The following PSD4 variants were observed in gnomAD, a reference collection of about 807,000 sequenced individuals.
PSD4 encodes the protein pleckstrin and Sec7 domain containing 4.
In PSD4, 59 loss-of-function variants were observed where a neutral mutation model predicts 112.5. That is an observed-to-expected ratio of 0.52 (90% CI 0.43 to 0.65). The LOEUF is 0.65. Ranked by LOEUF, PSD4 falls within the 30% of genes least tolerant of loss-of-function variation. The pLI is 0.00. For missense variants in PSD4, 1,267 were observed against 1,352.6 expected (o/e 0.94, Z 0.99); for synonymous variants, 533 against 540.0 (o/e 0.99, Z 0.18).
At chr2:113,195,534 CGG>C (rs1688582069) in intron 10 of PSD4, among the ~76,000 whole-genome samples, 191 bp from the exon 11 acceptor site, 22 of 150,630 alleles carry the variant, frequency 1.5e-4, no homozygotes, top group South Asian at 4.2e-4. Context: ...CTTTGTTGCA[CGG>C]ATGGATGGAT....
Position 113,183,373 on chromosome 2 carries a change from T to G in PSD4, c.917T>G (p.Leu306Trp). 6.3e-7 allele frequency: 1 copy of G among 1,582,160 alleles called. No individual in the cohort carries two copies. Among genetic ancestry groups the G allele is most frequent in the South Asian group, 1.2e-5 (1 of 86,030 alleles). The change falls in exon 2 of 17, where the codon TTG becomes TGG. Residue 306 changes from leucine (L) to tryptophan (W), a missense_variant. Around this residue, in one of 2 missense-constraint regions of PSD4, gnomAD observed 723 missense variants for 704.0 expected, o/e 1.03. Transcript: ENST00000245796. ...TGGGAGCTGGAAAGTGAGCCAGATT[T>G]GGGGGACGGCGCTGCTATCAGTGGG... is the stretch of plus-strand genomic sequence containing the variant. ...VLWELESEPDLGDGAAISGHC... is the reference protein window; with the variant it reads ...VLWELESEPDWGDGAAISGHC...
chr2:113,192,949 C>A (rs982505789), intron 6 of PSD4, 99 bp from the exon 7 acceptor site: 28 of 1,204,016 alleles, frequency 2.3e-5, no homozygotes, highest in Non-Finnish European at 3.6e-6. Context: ...CCTTGCTCAC[C>A]CCCACCGCAT....
rs1688256915 is a variant in PSD4 at position 113,185,065 on chromosome 2, C to G, written c.1165C>G (p.Gln389Glu). 6.2e-7 allele frequency: 1 copy of G among 1,614,176 alleles called. No individual in the cohort carries two copies. The highest frequency in any genetic ancestry group is 8.5e-7 in the Non-Finnish European group (1 of 1,180,000). ...TCTTGGCCCTGCTGCACATCCTGTG[C>G]AACCTTGGGCAAGTCACTTCCCCTT... ...SDLGPAAHPV[Q>E]PWASLSPEGW... The change falls in exon 3 of 17, where the codon CAA becomes GAA. Residue 389 changes from glutamine (Q) to glutamate (E), a missense_variant. Gln to Glu is a conservative substitution (Grantham distance 29). Transcript: ENST00000245796.
Position 113,185,449 on chromosome 2 carries a change from T to C in PSD4, c.1249+9T>C, listed in dbSNP as rs776861404. On this transcript the variant is annotated intron_variant, in intron 4 of 16. Transcript: ENST00000245796. ...TAACTCCCAGGACAGAGGTGAGCCCTAATAAGGGGGTTTGGGAAATTGGGT... is the reference window on the plus strand; with the variant it reads ...TAACTCCCAGGACAGAGGTGAGCCCCAATAAGGGGGTTTGGGAAATTGGGT... The C allele has an allele frequency of 8.1e-6, 13 of 1,613,992 alleles. No individual in the cohort carries two copies. In the South Asian group the frequency reaches 1.4e-4, roughly 18 times the overall value.
In PSD4 at chr2:113,192,911, C is replaced by A. The variant is rs374546585; in HGVS notation, c.1839-137C>A. On this transcript the variant is annotated intron_variant, in intron 6 of 16. Transcript: ENST00000245796. ...TGGCTGCCCCCTTGCTCTGTCAGGA[C>A]CCAAGGCCCAGCGTGCCTGCACCCT... is the stretch of plus-strand genomic sequence containing the variant. 1.2e-5 allele frequency: 10 copies of A among 833,872 alleles called. No homozygotes were observed. In the East Asian group the frequency reaches 1.6e-4, roughly 13 times the overall value. 51.7% of individuals were successfully genotyped at this position (833,872 alleles called of 1,614,324 possible).
Position 113,196,799 on chromosome 2 carries a change from G to A in PSD4, c.2386+492G>A, listed in dbSNP as rs190270176. On this transcript the variant is annotated intron_variant, in intron 12 of 16. Transcript: ENST00000245796. ...TCCCCCACAGAGAAAACAGCAAGCC[G>A]AGTTTGCTCAGAACATGGGGTGTGT... Among the ~76,000 whole-genome samples, 3 of 152,306 alleles carry A rather than the reference G, an allele frequency of 2.0e-5. No individual in the cohort carries two copies. In the East Asian group the frequency reaches 5.8e-4, roughly 29 times the overall value.
At position 113,185,338 on chromosome 2, in the gene PSD4, T is replaced by A. The variant is rs762251966; in HGVS notation, c.1174-27T>A. The A allele has an allele frequency of 6.2e-6, 10 of 1,613,690 alleles. No homozygotes were observed. In the South Asian group the frequency reaches 8.8e-5, roughly 14 times the overall value. Reference sequence around the variant, plus strand: ...CACCTCTCTGTGTATCCAGGGCTCATGGGAATGCCTTTGCCTCTCTCAACA... The same window carrying A: ...CACCTCTCTGTGTATCCAGGGCTCAAGGGAATGCCTTTGCCTCTCTCAACA... On this transcript the variant is annotated intron_variant, in intron 3 of 16. Coordinates refer to ENST00000245796, the MANE Select transcript of PSD4 (RefSeq NM_012455.3).
At chr2:113,178,650 G>A (rs1055922625) in intron 1 of PSD4, among the ~76,000 whole-genome samples, 10 of 152,012 alleles carry the variant, frequency 6.6e-5, no homozygotes, top group Admixed American at 3.9e-4. Context: ...GCCCAGCCCC[G>A]CATTCCCACT....
At chr2:113,195,907 G>C in intron 11 of PSD4, 137 bp downstream of exon 11, 1 of 1,277,600 alleles carries the variant, frequency 7.8e-7, no homozygotes, top group Non-Finnish European at 1.1e-6. Flanking sequence ...CAGAGGCAGG[G>C]CTCTGGGGAG....
At position 113,205,131 on chromosome 2, in the gene PSD4, C is replaced by G. The variant is rs946248599; in HGVS notation, c.*3716C>G. 4 of 152,026 alleles carry G rather than the reference C, an allele frequency of 2.6e-5. No homozygotes were observed. The highest frequency in any genetic ancestry group is 4.4e-5 in the Non-Finnish European group (3 of 68,026). 9.4% of individuals were successfully genotyped at this position (152,026 alleles called of 1,614,324 possible). A position where few individuals can be genotyped will look rare whatever the true frequency, so the allele number is the denominator to read the frequency against. ...TACAGGCATGCACCACCATGCCCAG[C>G]TAATTTTGTATTTTTTAGTAGAGAC... On this transcript the variant is annotated 3_prime_UTR_variant, in exon 17 of 17. Transcript: ENST00000245796.
In PSD4 at chr2:113,201,141, G is replaced by C; in HGVS notation, c.2914-17G>C. ...GAGCCAGGATGGTGCTAAGGTGGTGGGGCCTGTGTGTTGCAGAAAACCCGC... is the reference window on the plus strand; with the variant it reads ...GAGCCAGGATGGTGCTAAGGTGGTGCGGCCTGTGTGTTGCAGAAAACCCGC... On this transcript the variant is annotated splice_polypyrimidine_tract_variant and intron_variant, in intron 16 of 16. Coordinates refer to ENST00000245796, the MANE Select transcript of PSD4 (RefSeq NM_012455.3). The C allele has an allele frequency of 6.3e-7, 1 of 1,596,508 alleles. No homozygotes were observed. Among genetic ancestry groups the C allele is most frequent in the Non-Finnish European group, 8.5e-7 (1 of 1,169,644 alleles).
intron 5 of PSD4, among the ~76,000 whole-genome samples, chr2:113,191,076 C>T (rs1243292942): frequency 6.6e-6 from 1 of 152,202 alleles, no homozygotes; most frequent in Non-Finnish European, 1.5e-5. Context: ...CTCTGAACCT[C>T]TCCACGGGGC....
chr2:113,180,976 G>A (rs1688117879), intron 1 of PSD4, among the ~76,000 whole-genome samples: 1 of 151,970 alleles, frequency 6.6e-6, no homozygotes, highest in African/African-American at 2.4e-5. Flanking sequence ...CCACCACTTT[G>A]GGAGGCCAAG....
chr2:113,183,418 C>G lies in PSD4; in HGVS notation c.962C>G (p.Pro321Arg). The part of the protein sequence containing the change: ...AISGHCTPPF[P>R]VPIYKPHSIC... ...AGTGGGCATTGTACCCCTCCATTCCCTGTGCCCATCTATAAACCACACTCC... is the reference window on the plus strand; with the variant it reads ...AGTGGGCATTGTACCCCTCCATTCCGTGTGCCCATCTATAAACCACACTCC... The change falls in exon 2 of 17, where the codon CCT (proline) becomes CGT (arginine). Residue 321 changes from proline to arginine, a missense_variant. By Grantham distance (103) the Pro-to-Arg change is moderately radical. Around this residue, in one of 2 missense-constraint regions of PSD4, gnomAD observed 723 missense variants for 704.0 expected, o/e 1.03. Transcript: ENST00000245796. The G allele has an allele frequency of 6.4e-7, 1 of 1,573,906 alleles. No homozygotes were observed. Among genetic ancestry groups the G allele is most frequent in the Non-Finnish European group, 8.6e-7 (1 of 1,161,280 alleles).
In PSD4 at chr2:113,198,839, A is replaced by G; in HGVS notation, c.2724A>G (p.Arg908=). 6.3e-7 allele frequency: 1 copy of G among 1,598,894 alleles called. No homozygotes were observed. Among genetic ancestry groups the G allele is most frequent in the Non-Finnish European group, 8.5e-7 (1 of 1,178,400 alleles). ...CCGCCGCTGTGGGCTCCCAGCGCAG[A>G]TTCGTGCGGCCCATCCTGCCCGTGG... ...PFPAAVGSQR[R]FVRPILPVGP... Residue 908 remains arginine (R), a synonymous_variant, in exon 15 of 17, where the codon AGA becomes AGG. Transcript: ENST00000245796.
At chr2:113,197,245 G>A in intron 12 of PSD4, 1 of 410,672 alleles carries the variant, frequency 2.4e-6, no homozygotes, top group Non-Finnish European at 4.6e-6. Flanking sequence ...TTTGTGCCTG[G>A]GTGTTTGCCA....
In PSD4 at chr2:113,197,762, T is replaced by C. The variant is rs1308925412; in HGVS notation, c.2473T>C (p.Cys825Arg). The C allele has an allele frequency of 1.9e-6, 3 of 1,609,038 alleles. No individual in the cohort carries two copies. In the South Asian group the frequency reaches 3.3e-5, roughly 18 times the overall value. ...LYFLKQGEDH[C>R]LEGESLVGQM... is the part of the protein sequence containing the mutation. ...TGACTGGTAGCAGGGAGAAGACCAC[T>C]GTCTGGAGGGGGAGAGCTTGGTGGG... The change falls in exon 14 of 17, where the codon TGT becomes CGT. Residue 825 changes from cysteine (C) to arginine (R), a missense_variant. By Grantham distance (180) the Cys-to-Arg change is radical (BLOSUM62 -3). Around this residue, in one of 2 missense-constraint regions of PSD4, gnomAD observed 544 missense variants for 648.6 expected, o/e 0.84. Coordinates refer to ENST00000245796, the MANE Select transcript of PSD4 (RefSeq NM_012455.3).
Position 113,186,084 on chromosome 2 carries a change from A to T in PSD4, c.1457A>T (p.Asp486Val), listed in dbSNP as rs1046634265. 1.9e-6 allele frequency: 3 copies of T among 1,614,084 alleles called. No homozygotes were observed. The highest frequency in any genetic ancestry group is 1.7e-6 in the Non-Finnish European group (2 of 1,180,040). The change falls in exon 5 of 17, where the codon GAT becomes GTT. Residue 486 changes from aspartate (D) to valine (V), a missense_variant. Transcript: ENST00000245796. Reference sequence around the variant, plus strand: ...GGCATTTTGCCCAAGTGGACACTAGATGCTTCACAGTCTTCACTCTTGGAG... The same window carrying T: ...GGCATTTTGCCCAAGTGGACACTAGTTGCTTCACAGTCTTCACTCTTGGAG... The part of the protein sequence containing the change: ...SSGILPKWTL[D>V]ASQSSLLETD...
At position 113,182,551 on chromosome 2, in the gene PSD4, G is replaced by T. The variant is rs1224804484; in HGVS notation, c.95G>T (p.Cys32Phe). Reference protein sequence around the residue: ...GDSLEPHPGECPRETCSHEDP... With the variant: ...GDSLEPHPGEFPRETCSHEDP... ...AGCCTGGAGCCCCACCCAGGAGAGT[G>T]CCCAAGGGAAACGTGCAGCCATGAG... Residue 32 changes from cysteine to phenylalanine, a missense_variant, in exon 2 of 17, where the codon TGC becomes TTC. Around this residue, in one of 2 missense-constraint regions of PSD4, gnomAD observed 723 missense variants for 704.0 expected, o/e 1.03. Transcript: ENST00000245796. 4 of 1,614,194 alleles carry T rather than the reference G, an allele frequency of 2.5e-6. No individual in the cohort carries two copies. The highest frequency in any genetic ancestry group is 3.4e-6 in the Non-Finnish European group (4 of 1,180,028).
Sources: allele counts gnomAD v4.1 joint callset (sites outside exome capture counted in the v4.1 genomes callset), GRCh38; gene constraint gnomAD v4.1.1; regional missense constraint gnomAD v4.1.1; transcripts MANE v1.5; gene names NCBI Gene and HGNC (gene_info 2026-07-23, HGNC 2026-07-21).